The following ZFHX2 variants were observed in gnomAD, a reference collection of about 807,000 sequenced individuals.
The protein encoded by ZFHX2 is zinc finger homeobox 2.
ZFHX2 carries 75 observed loss-of-function variants against 164.8 expected under a neutral mutation model. That is an observed-to-expected ratio of 0.46 (90% CI 0.38 to 0.55). ZFHX2 has a LOEUF of 0.55. ZFHX2 is among the 20% of genes least tolerant of loss of function. ZFHX2 has a pLI of 0.00. For missense variants in ZFHX2, 2,933 were observed against 3,308.0 expected, an observed-to-expected ratio of 0.89 and a Z score of 2.78; for synonymous variants, 1,217 against 1,351.4, an observed-to-expected ratio of 0.90 and a Z score of 2.18.
intron 5 of ZFHX2, 115 bp from the exon 6 acceptor site, chr14:23,529,883 G>C: frequency 8.8e-7 from 1 of 1,134,466 alleles, no homozygotes; most frequent in Non-Finnish European, 1.3e-6. Context: ...AAACTCAGTA[G>C]ATAGGTGAGG....
intron 4 of ZFHX2, 32 bp from the exon 5 acceptor site, chr14:23,530,226 G>T: frequency 6.8e-7 from 1 of 1,474,266 alleles, no homozygotes; most frequent in Admixed American, 2.0e-5. Flanking sequence ...TCAGCTTAAA[G>T]AGGTGTGGCA....
intron 6 of ZFHX2, 67 bp downstream of exon 6, chr14:23,529,643 G>A (rs1185465411): frequency 7.1e-7 from 1 of 1,400,786 alleles, no homozygotes; most frequent in Non-Finnish European, 9.8e-7. Context: ...TCTGCCTTTA[G>A]AATATGAGCA....
Position 23,520,876 on chromosome 14 carries a change from T to C in ZFHX2, c.*1086A>G, listed in dbSNP as rs1188046778. ...CTTGTCTGATGGGAGTTTTCTTCCT[T>C]TTTTTTTTTTTCTGTATTTTCCAAG... On this transcript the variant is annotated 3_prime_UTR_variant, in exon 10 of 10. Coordinates refer to ENST00000419474, the MANE Select transcript of ZFHX2 (RefSeq NM_033400.3). The surrounding 1 kb of genome is among the most constrained non-coding windows in gnomAD (Gnocchi z 8.7). The C allele has an allele frequency of 6.7e-6, 1 of 149,620 alleles. No homozygotes were observed. The highest frequency in any genetic ancestry group is 1.5e-5 in the Non-Finnish European group (1 of 67,114). 9.3% of individuals were successfully genotyped at this position (149,620 alleles called of 1,614,324 possible).
chr14:23,551,652 GCCT>G lies in ZFHX2; in HGVS notation c.-362_-360del, dbSNP rs891960070. 7.0e-4 allele frequency: 108 copies of G among 154,014 alleles called. 1 individual carries two copies. The highest frequency in any genetic ancestry group is 6.4e-3 in the Middle Eastern group (2 of 312). 9.5% of individuals were successfully genotyped at this position (154,014 alleles called of 1,614,324 possible). ...CACCCTGGGCACTCGCTCGCTCCCT[GCCT>G]CCTCCTCCTCCTCCTCCTTCTCCTC... On this transcript the variant is annotated 5_prime_UTR_variant, in exon 1 of 10. Coordinates refer to ENST00000419474, the MANE Select transcript of ZFHX2 (RefSeq NM_033400.3). The surrounding 1 kb of genome is among the most constrained non-coding windows in gnomAD (Gnocchi z 5.3).
At position 23,535,311 on chromosome 14, in the gene ZFHX2, G is replaced by A; in HGVS notation, c.15C>T (p.Asn5=). 6.8e-7 allele frequency: 1 copy of A among 1,462,140 alleles called. No individual in the cohort carries two copies. Among genetic ancestry groups the A allele is most frequent in the East Asian group, 2.5e-5 (1 of 40,130 alleles). 90.6% of individuals were successfully genotyped at this position (1,462,140 alleles called of 1,614,324 possible). A position where few individuals can be genotyped will look rare whatever the true frequency, so the allele number is the denominator to read the frequency against. The stretch of plus-strand genomic sequence containing the variant: ...GGGTGGTACCAGTGGTAGAGGCTGA[G>A]TTAAGGGTGGCCATGGTAGACGGAG... MATL[N]SASTTGTTPS... is the part of the protein sequence containing the mutation. The change falls in exon 2 of 10, where the codon AAC becomes AAT. Residue 5 remains asparagine (N), a synonymous_variant. Transcript: ENST00000419474. This position sits in a 1 kb window ranked among gnomAD's most constrained non-coding sequence, Gnocchi z 4.5.
At chr14:23,550,051 G>T (rs1881798452) in intron 1 of ZFHX2, among the ~76,000 whole-genome samples, 1 of 152,228 alleles carries the variant, frequency 6.6e-6, no homozygotes, top group Non-Finnish European at 1.5e-5. Flanking sequence ...GATACAGTGG[G>T]GGAAGGGAGT....
rs935522332 is a variant in ZFHX2 at position 23,525,442 on chromosome 14, T to C, written c.4500A>G (p.Glu1500=). 2.0e-6 allele frequency: 3 copies of C among 1,536,114 alleles called. No individual in the cohort carries two copies. The highest frequency in any genetic ancestry group is 2.6e-6 in the Non-Finnish European group (3 of 1,146,904). ...SNMLILKTHE[E]HVHRRFLPFE... The stretch of plus-strand genomic sequence containing the variant: ...AGGGCAGAAAGCGGCGGTGGACATG[T>C]TCCTCGTGTGTCTTGAGGATAAGCA... Residue 1500 remains glutamate (E), a synonymous_variant, in exon 9 of 10, where the codon GAA becomes GAG. Transcript: ENST00000419474. The surrounding 1 kb of genome is among the most constrained non-coding windows in gnomAD (Gnocchi z 5.9).
At chr14:23,550,057 G>A (rs541648660) in intron 1 of ZFHX2, among the ~76,000 whole-genome samples, 20 of 152,198 alleles carry the variant, frequency 1.3e-4, no homozygotes, top group Non-Finnish European at 2.4e-4. Context: ...GTGGGGGAAG[G>A]GAGTAAAATT....
Position 23,546,628 on chromosome 14 carries a change from G to A in ZFHX2, c.-50+4715C>T, listed in dbSNP as rs1441408830. ...CCTTGCCAGCCTGGGGAGGAGGGATGGGCAGGCAGTTCCCTAGGACTTTCC... is the reference window on the plus strand; with the variant it reads ...CCTTGCCAGCCTGGGGAGGAGGGATAGGCAGGCAGTTCCCTAGGACTTTCC... On this transcript the variant is annotated intron_variant, in intron 1 of 9. Transcript: ENST00000419474. The surrounding 1 kb of genome is among the most constrained non-coding windows in gnomAD (Gnocchi z 4.7). 9.2e-5 allele frequency among the ~76,000 whole-genome samples: 14 copies of A among 152,160 alleles called. No homozygotes were observed. The highest frequency in any genetic ancestry group is 9.2e-4 in the Admixed American group (14 of 15,276).
At position 23,532,726 on chromosome 14, in the gene ZFHX2, G is replaced by T; in HGVS notation, c.2400C>A (p.Gly800=). ...AHLREGGGAM[G]TPSPASLGDG... The stretch of plus-strand genomic sequence containing the variant: ...CTCCCAGGGATGCTGGGGAAGGGGT[G>T]CCCATGGCTCCACCCCCCTCCCGCA... Residue 800 remains glycine, a synonymous_variant, in exon 3 of 10, where the codon GGC becomes GGA. Transcript: ENST00000419474. 1 of 1,535,652 alleles carries T rather than the reference G, an allele frequency of 6.5e-7. No individual in the cohort carries two copies. Among genetic ancestry groups the T allele is most frequent in the South Asian group, 1.2e-5 (1 of 83,984 alleles).
Position 23,527,618 on chromosome 14 carries a change from T to C in ZFHX2, c.3121A>G (p.Lys1041Glu), listed in dbSNP as rs1205929464. The C allele has an allele frequency of 7.8e-6, 12 of 1,536,508 alleles. No homozygotes were observed. The highest frequency in any genetic ancestry group is 1.4e-5 in the African/African-American group (1 of 73,024). The change falls in exon 7 of 10, where the codon AAG becomes GAG. Residue 1041 changes from lysine to glutamate, a missense_variant. By Grantham distance (56) the Lys-to-Glu change is moderately conservative. Transcript: ENST00000419474. The part of the protein sequence containing the change: ...LHNVVPECVE[K>E]LLLVATTVEM... ...CCTGTACTCACTACAAGCAGCAGCT[T>C]CTCAACGCACTCGGGCACCACGTTG...
intron 4 of ZFHX2, chr14:23,531,143 C>G (rs1376253008): frequency 4.9e-6 from 1 of 203,264 alleles, no homozygotes; most frequent in Non-Finnish European, 9.8e-6. Context: ...AACAGGTTCT[C>G]TCTCCTTCCT....
rs994592959 is a variant in ZFHX2, at chr14:23,546,129, G to T, written c.-50+5214C>A. On this transcript the variant is annotated intron_variant, in intron 1 of 9. Transcript: ENST00000419474. The surrounding 1 kb of genome is among the most constrained non-coding windows in gnomAD (Gnocchi z 4.7). ...TGCCCCACTGACTTTGCACATCAAC[G>T]TGCTCCACAGGACCAGACTCTCCAT... Among the ~76,000 whole-genome samples, 1 of 152,160 alleles carries T rather than the reference G, an allele frequency of 6.6e-6. No individual in the cohort carries two copies. Among genetic ancestry groups the T allele is most frequent in the Non-Finnish European group, 1.5e-5 (1 of 68,040 alleles).
rs1879553860 is a variant in ZFHX2 at position 23,531,549 on chromosome 14, G to A, written c.2732C>T (p.Thr911Ile). Reference sequence around the variant, plus strand: ...AAGAGCTGCGAGTCCTTCCTCAGTGGTTGGGCCATTCTGTAGCAGCTGCAG... The same window carrying A: ...AAGAGCTGCGAGTCCTTCCTCAGTGATTGGGCCATTCTGTAGCAGCTGCAG... ...RRLQLLQNGPTTEEGLAALQS... is the reference protein window; with the variant it reads ...RRLQLLQNGPITEEGLAALQS... Residue 911 changes from threonine to isoleucine, a missense_variant, in exon 4 of 10, where the codon ACC (threonine) becomes ATC (isoleucine). Physicochemically the swap from Thr to Ile is moderately conservative, Grantham distance 89. Transcript: ENST00000419474. 6.6e-7 allele frequency: 1 copy of A among 1,521,736 alleles called. No individual in the cohort carries two copies. Among genetic ancestry groups the A allele is most frequent in the African/African-American group, 1.4e-5 (1 of 72,700 alleles). The allele number at this position is 1,521,736 out of a possible 1,614,324, so 94.3% of individuals were successfully genotyped here.
At chr14:23,529,590 G>A in intron 6 of ZFHX2, 120 bp downstream of exon 6, 1 of 1,031,696 alleles carries the variant, frequency 9.7e-7, no homozygotes. Flanking sequence ...TTTCTTAACT[G>A]TGCTATTCTG....
At position 23,522,353 on chromosome 14, in the gene ZFHX2, G is replaced by A; in HGVS notation, c.7328C>T (p.Ser2443Phe). ...DELLTGSTGI[S>F]TVDVTHRYLC... ...GTAGCGATGGGTTACATCCACGGTG[G>A]AGATGCCAGTGCTGCCTGTCAGCAG... Residue 2443 changes from serine (S) to phenylalanine (F), a missense_variant, in exon 10 of 10, where the codon TCC (serine) becomes TTC (phenylalanine). Coordinates refer to ENST00000419474, the MANE Select transcript of ZFHX2 (RefSeq NM_033400.3). 6.5e-7 allele frequency: 1 copy of A among 1,535,922 alleles called. No individual in the cohort carries two copies. The highest frequency in any genetic ancestry group is 8.7e-7 in the Non-Finnish European group (1 of 1,146,766).
At chr14:23,529,505 C>T (rs931285354) in intron 6 of ZFHX2, 19 of 577,510 alleles carry the variant, frequency 3.3e-5, no homozygotes, top group South Asian at 1.4e-4. Context: ...CCTATCATCT[C>T]CCTCTGTGCT....
At chr14:23,530,361 GAAGA>G (rs1395649121) in intron 4 of ZFHX2, 167 bp from the exon 5 acceptor site, 1 of 703,598 alleles carries the variant, frequency 1.4e-6, no homozygotes, top group Non-Finnish European at 2.6e-6. Context: ...CACCCACACA[GAAGA>G]TAGAGGGAAA....
At chr14:23,527,284 C>G (rs533228646) in intron 7 of ZFHX2, among the ~76,000 whole-genome samples, 3 of 152,214 alleles carry the variant, frequency 2.0e-5, no homozygotes, top group Non-Finnish European at 4.4e-5. Context: ...AAACAGAAGC[C>G]TCTGCCTCAT....
Sources: gnomAD v4.1 joint callset for allele counts (sites outside exome capture counted in the v4.1 genomes callset) on GRCh38, gnomAD v4.1.1 for gene constraint, Gnocchi (gnomAD v3.1) non-coding constraint, MANE v1.5 for transcripts, NCBI Gene and HGNC (gene_info 2026-07-23, HGNC 2026-07-21) for gene names.